The following FER variants were observed in gnomAD, a reference collection of about 807,000 sequenced individuals.
FER encodes the protein FER tyrosine kinase, also known as tyrosine-protein kinase Fer.
Under a neutral mutation model 111.0 loss-of-function variants are expected in FER, and 63 were observed. The observed-to-expected ratio is 0.57, with a 90% CI of 0.46 to 0.70. The LOEUF is 0.70. FER is among the 30% of genes least tolerant of loss of function. The pLI is 0.00. For synonymous variants in FER, 327 were observed against 313.9 expected (o/e 1.04, Z -0.44); for missense variants, 914 against 954.0 (o/e 0.96, Z 0.55).
chr5:109,019,362 A>G (rs910205622), intron 13 of FER, among the ~76,000 whole-genome samples: 5 of 151,932 alleles, frequency 3.3e-5, no homozygotes, highest in Middle Eastern at 3.4e-3. Context: ...TATATAATAG[A>G]TAGGTCCTTC....
intron 3 of FER, among the ~76,000 whole-genome samples, chr5:108,821,516 A>G (rs1181285507): frequency 6.6e-6 from 1 of 152,100 alleles, no homozygotes; most frequent in Non-Finnish European, 1.5e-5. Flanking sequence ...AGGCTGACAC[A>G]AATATGGTAG....
rs1758210325 is a variant in FER at position 109,180,799 on chromosome 5, A to G, written c.2101A>G (p.Ser701Gly). ...AGGTGAAAATAATGTTCTGAAAATCAGTGACTTTGGAATGTCTCGTCAAGA... is the reference window on the plus strand; with the variant it reads ...AGGTGAAAATAATGTTCTGAAAATCGGTGACTTTGGAATGTCTCGTCAAGA... The part of the protein sequence containing the change: ...LVGENNVLKI[S>G]DFGMSRQEDG... Residue 701 changes from serine to glycine, a missense_variant, in exon 18 of 20, where the codon AGT becomes GGT. Physicochemically the swap from Ser to Gly is moderately conservative, Grantham distance 56. Transcript: ENST00000281092. The G allele has an allele frequency of 6.2e-7, 1 of 1,613,498 alleles. No homozygotes were observed. The highest frequency in any genetic ancestry group is 8.5e-7 in the Non-Finnish European group (1 of 1,179,664).
intron 13 of FER, among the ~76,000 whole-genome samples, chr5:108,960,349 C>T (rs1039599510): frequency 6.6e-6 from 1 of 152,044 alleles, no homozygotes; most frequent in Non-Finnish European, 1.5e-5. Flanking sequence ...ATATTTCTCT[C>T]ACAGAAGATT....
At chr5:108,845,003 T>TAC (rs1561502554) in intron 5 of FER, among the ~76,000 whole-genome samples, 52 of 14,108 alleles carry the variant, frequency 3.7e-3, no homozygotes, top group Non-Finnish European at 5.4e-3. Flanking sequence ...TGTGTATATA[T>TAC]ATATATATAT....
intron 10 of FER, among the ~76,000 whole-genome samples, chr5:108,915,381 A>G (rs1752132858): frequency 6.6e-6 from 1 of 152,178 alleles, no homozygotes; most frequent in African/African-American, 2.4e-5. Flanking sequence ...CTGAGGCAGG[A>G]GAAACGCTTG....
chr5:108,750,925 GCT>G (rs1750423787), intron 1 of FER, among the ~76,000 whole-genome samples: 2 of 152,236 alleles, frequency 1.3e-5, no homozygotes, highest in Non-Finnish European at 2.9e-5. Flanking sequence ...GGGCGCGGTG[GCT>G]CATGCCTGTA....
At chr5:108,974,704 G>A (rs776282802) in intron 13 of FER, among the ~76,000 whole-genome samples, 2 of 152,238 alleles carry the variant, frequency 1.3e-5, no homozygotes, top group Non-Finnish European at 2.9e-5. Context: ...TTACCTGGAA[G>A]AGGAAGGTAG....
chr5:109,031,729 T>G (rs1028949730), intron 13 of FER, among the ~76,000 whole-genome samples: 3 of 152,200 alleles, frequency 2.0e-5, no homozygotes, highest in Non-Finnish European at 2.9e-5. Flanking sequence ...TATTTTCTCC[T>G]TTTAGCATAT....
chr5:109,108,614 A>G (rs1265158170), intron 17 of FER, among the ~76,000 whole-genome samples: 1 of 152,166 alleles, frequency 6.6e-6, no homozygotes, highest in Non-Finnish European at 1.5e-5. Context: ...ATCTCAGTAC[A>G]GTGGAATTGG....
chr5:108,953,265 T>A (rs1185914686), intron 11 of FER, among the ~76,000 whole-genome samples: 4 of 151,914 alleles, frequency 2.6e-5, no homozygotes, highest in Non-Finnish European at 4.4e-5. Flanking sequence ...TTAGATAAAA[T>A]TGCTCTTTAA....
Position 108,977,945 on chromosome 5 carries a change from A to G in FER, c.1656+18598A>G, listed in dbSNP as rs191862350. Among the ~76,000 whole-genome samples, 10 of 152,232 alleles carry G rather than the reference A, an allele frequency of 6.6e-5. No homozygotes were observed. In the South Asian group the frequency reaches 1.0e-3, roughly 16 times the overall value. ...ACTGCAGCCCCTGCCTCCTGGGCCC[A>G]AGCGATCCTCCTGCCTCAGCCTCCC... On this transcript the variant is annotated intron_variant, in intron 13 of 19. Coordinates refer to ENST00000281092, the MANE Select transcript of FER (RefSeq NM_005246.4).
intron 13 of FER, among the ~76,000 whole-genome samples, chr5:109,017,874 T>C (rs1767390052): frequency 6.6e-6 from 1 of 151,950 alleles, no homozygotes; most frequent in Non-Finnish European, 1.5e-5. Context: ...AGAGAGTCAC[T>C]ACCCTTTTCT....
At chr5:109,058,140 C>G (rs1238081011) in intron 16 of FER, among the ~76,000 whole-genome samples, 4 of 151,938 alleles carry the variant, frequency 2.6e-5, no homozygotes, top group Non-Finnish European at 5.9e-5. Context: ...AAACATTTGG[C>G]AAAATCCAGC....
intron 17 of FER, among the ~76,000 whole-genome samples, chr5:109,152,975 A>G (rs1755012273): frequency 6.6e-6 from 1 of 151,980 alleles, no homozygotes; most frequent in Non-Finnish European, 1.5e-5. Context: ...GATTAGAACT[A>G]GAGAGTATCA....
At chr5:108,986,141 A>G (rs1762547711) in intron 13 of FER, among the ~76,000 whole-genome samples, 1 of 152,000 alleles carries the variant, frequency 6.6e-6, no homozygotes, top group Admixed American at 6.5e-5. Flanking sequence ...TTGTAGGAGT[A>G]AGGTGGTATC....
At chr5:108,875,206 C>A (rs75681829) in intron 8 of FER, among the ~76,000 whole-genome samples, 5,220 of 152,188 alleles carry the variant, frequency 0.034, 157 homozygotes, top group South Asian at 0.11. Context: ...TGGATGGTAT[C>A]TTACCATGTG....
At chr5:109,129,416 G>T (rs73779027) in intron 17 of FER, among the ~76,000 whole-genome samples, 28,668 of 151,652 alleles carry the variant, frequency 0.19, 2,842 homozygotes, top group Non-Finnish European at 0.22. Flanking sequence ...TCCTAAAATG[G>T]TATATTGAAG....
intron 9 of FER, among the ~76,000 whole-genome samples, chr5:108,895,012 A>T (rs1441723441): frequency 1.3e-5 from 2 of 152,110 alleles, no homozygotes; most frequent in Admixed American, 6.6e-5. Flanking sequence ...GAGAAAATGG[A>T]TTGTTGTAGT....
intron 3 of FER, among the ~76,000 whole-genome samples, chr5:108,828,837 C>T (rs1361860153): frequency 6.6e-6 from 1 of 152,094 alleles, no homozygotes; most frequent in Non-Finnish European, 1.5e-5. Flanking sequence ...CAGTAGCTTA[C>T]GCCTGTAATC....
Sources: allele counts gnomAD v4.1 joint callset (sites outside exome capture counted in the v4.1 genomes callset), GRCh38; gene constraint gnomAD v4.1.1; transcripts MANE v1.5; gene names NCBI Gene and HGNC (gene_info 2026-07-23, HGNC 2026-07-21).